Variants in CLVS1 observed in about 807,000 individuals in gnomAD.
CLVS1 encodes clavesin-1.
A neutral mutation model predicts 33.1 loss-of-function variants in CLVS1; 10 were observed. That is an observed-to-expected ratio of 0.30 (90% CI 0.19 to 0.51). The LOEUF is 0.51. Ranked by LOEUF, CLVS1 falls within the 20% of genes least tolerant of loss-of-function variation. The probability of loss-of-function intolerance (pLI) is 0.97; values close to 1 mark genes in which losing one functional copy is unlikely to be tolerated. For missense variants in CLVS1, 343 were observed against 433.4 expected, an observed-to-expected ratio of 0.79 and a Z score of 1.85; for synonymous variants, 163 against 166.1, an observed-to-expected ratio of 0.98 and a Z score of 0.14.
At chr8:61,112,999 C>G (rs73685726) in intron 1 of CLVS1, among the ~76,000 whole-genome samples, 1 of 152,176 alleles carries the variant, frequency 6.6e-6, no homozygotes, top group South Asian at 2.1e-4. Flanking sequence ...CCAACTATCA[C>G]TTCTGCATTG....
the CLVS1 span, among the ~76,000 whole-genome samples, chr8:61,013,136 C>G: frequency 5.3e-3 from 808 of 152,288 alleles, 8 homozygotes; most frequent in African/African-American, 0.018. Flanking sequence ...CAGACATTGC[C>G]AAGTGGGCTG....
At chr8:61,046,385 A>C in the CLVS1 span, among the ~76,000 whole-genome samples, 3 of 145,838 alleles carry the variant, frequency 2.1e-5, no homozygotes, top group African/African-American at 8.1e-5. Flanking sequence ...TGTTTTGGTT[A>C]CTGTAGCCTT....
the CLVS1 span, among the ~76,000 whole-genome samples, chr8:61,040,812 C>G: frequency 6.6e-6 from 1 of 152,178 alleles, no homozygotes. Context: ...TTTCTTTCAC[C>G]GTGCAAAAGC....
Position 61,232,023 on chromosome 8 carries a change from G to GTTTGTTTGTTTGTTTGTTTGTTTTT in CLVS1, c.-151-67651_-151-67650insGTTTGTTTGTTTGTTTGTTTTTTTT. On this transcript the variant is annotated intron_variant, in intron 2 of 2. Coordinates refer to the CLVS1 transcript ENST00000522621. ...AGAAGGAGCCCTGAGGAAAGTTGTG[G>GTTTGTTTGTTTGTTTGTTTGTTTTT]TTTTTTTTTTTTTTTTTTTTTTTTT... is the stretch of plus-strand genomic sequence containing the variant. Among the ~76,000 whole-genome samples the GTTTGTTTGTTTGTTTGTTTGTTTTT allele has an allele frequency of 5.7e-4, 36 of 62,652 alleles. 3 individuals are homozygous for GTTTGTTTGTTTGTTTGTTTGTTTTT. Among genetic ancestry groups the GTTTGTTTGTTTGTTTGTTTGTTTTT allele is most frequent in the African/African-American group, 1.6e-3 (33 of 21,118 alleles). The allele number at this position is 62,652 out of a possible 152,430, so 41.1% of individuals were successfully genotyped here.
chr8:61,426,651 G>A lies in CLVS1; in HGVS notation c.631-27490G>A, dbSNP rs114270820. ...GCTTTTGGTCTGCGGTCCTAGTACC[G>A]TCTACCACTGGATTTGCCTGGTGTT... is the stretch of plus-strand genomic sequence containing the variant. On this transcript the variant is annotated intron_variant, in intron 3 of 5. Coordinates refer to ENST00000325897, the MANE Select transcript of CLVS1 (RefSeq NM_173519.3). Among the ~76,000 whole-genome samples, 520 of 152,280 alleles carry A rather than the reference G, an allele frequency of 3.4e-3. 2 individuals carry two copies. Among genetic ancestry groups the A allele is most frequent in the African/African-American group, 0.012 (479 of 41,552 alleles).
chr8:61,056,022 G>A (rs1804467947), upstream of CLVS1, among the ~76,000 whole-genome samples: 1 of 152,226 alleles, frequency 6.6e-6, no homozygotes, highest in African/African-American at 2.4e-5. Context: ...GGGCTTTATG[G>A]TGCACACTTG....
intron 1 of CLVS1, among the ~76,000 whole-genome samples, chr8:61,068,219 G>A (rs6986556): frequency 0.21 from 21,401 of 103,792 alleles, 3,471 homozygotes; most frequent in African/African-American, 0.53. Flanking sequence ...ATATATATAT[G>A]TATGTATGTG....
At chr8:60,968,497 A>C in the CLVS1 span, among the ~76,000 whole-genome samples, 3 of 143,824 alleles carry the variant, frequency 2.1e-5, no homozygotes, top group Non-Finnish European at 4.6e-5. Context: ...GCCTGGCCAC[A>C]GAACAAGACT....
the CLVS1 span, among the ~76,000 whole-genome samples, chr8:61,030,379 A>G: frequency 6.6e-6 from 1 of 152,198 alleles, no homozygotes; most frequent in South Asian, 2.1e-4. Flanking sequence ...AGAATCGATG[A>G]AGTTATGAAC....
chr8:61,116,462 A>T (rs562670431), intron 1 of CLVS1, among the ~76,000 whole-genome samples: 1 of 152,146 alleles, frequency 6.6e-6, no homozygotes, highest in East Asian at 1.9e-4. Context: ...ATGTTCTGAA[A>T]GGTAATGCCT....
chr8:61,059,737 G>A lies in CLVS1; in HGVS notation c.-243+2507G>A, dbSNP rs186802976. Among the ~76,000 whole-genome samples, 48 of 148,708 alleles carry A rather than the reference G, an allele frequency of 3.2e-4. 1 individual carries two copies. Among genetic ancestry groups the A allele is most frequent in the Admixed American group, 3.1e-3 (47 of 14,990 alleles). ...GAGGCAGGAGAATCACTGGAACCTGGGAGGCGGAGGTTGCAGTGAGCCGAG... is the reference window on the plus strand; with the variant it reads ...GAGGCAGGAGAATCACTGGAACCTGAGAGGCGGAGGTTGCAGTGAGCCGAG... On this transcript the variant is annotated intron_variant, in intron 1 of 2. Transcript: ENST00000522621.
chr8:61,191,994 A>C (rs1807494395), intron 2 of CLVS1, among the ~76,000 whole-genome samples: 1 of 152,192 alleles, frequency 6.6e-6, no homozygotes, highest in Non-Finnish European at 1.5e-5. Flanking sequence ...TCAAGCTACC[A>C]ATAACTTTCT....
rs767022760 is a variant in CLVS1, at chr8:61,501,485, G to GACTT, written c.*1945_*1948dup. ...TGTAAGATGATGGCTCAAAAATGAC[G>GACTT]ACTTATAGTTTGAATTTATGTGTAT... On this transcript the variant is annotated 3_prime_UTR_variant, in exon 6 of 6. Transcript: ENST00000325897. The GACTT allele has an allele frequency of 6.6e-6, 1 of 151,958 alleles. No homozygotes were observed. Among genetic ancestry groups the GACTT allele is most frequent in the Non-Finnish European group, 1.5e-5 (1 of 67,982 alleles). 9.4% of individuals were successfully genotyped at this position (151,958 alleles called of 1,614,324 possible).
chr8:61,273,263 G>T (rs537445416), intron 2 of CLVS1, among the ~76,000 whole-genome samples: 1 of 152,290 alleles, frequency 6.6e-6, no homozygotes, highest in Admixed American at 6.5e-5. Flanking sequence ...TGAGGTGTCA[G>T]TCTGCCCCTG....
At chr8:61,263,046 G>T (rs149063243) in intron 2 of CLVS1, among the ~76,000 whole-genome samples, 2,117 of 152,246 alleles carry the variant, frequency 0.014, 16 homozygotes, top group Non-Finnish European at 0.016. Context: ...GAATCAGCTG[G>T]CATTCGAAAG....
At chr8:61,196,121 T>G (rs1266170910) in intron 2 of CLVS1, among the ~76,000 whole-genome samples, 1 of 152,206 alleles carries the variant, frequency 6.6e-6, no homozygotes, top group Non-Finnish European at 1.5e-5. Flanking sequence ...AGTCATGAAT[T>G]CATTTGTTCA....
chr8:61,299,917 C>G lies in CLVS1; in HGVS notation c.90C>G (p.Leu30=), dbSNP rs777024134. 1 of 1,613,634 alleles carries G rather than the reference C, an allele frequency of 6.2e-7. No individual in the cohort carries two copies. Among genetic ancestry groups the G allele is most frequent in the South Asian group, 1.1e-5 (1 of 91,074 alleles). ...AGATGACCCATTTACAGGCTGGACTCAGTCCAGAGACTATAGAGAAAGCTC... is the reference window on the plus strand; with the variant it reads ...AGATGACCCATTTACAGGCTGGACTGAGTCCAGAGACTATAGAGAAAGCTC... ...LAKMTHLQAG[L]SPETIEKARL... The change falls in exon 2 of 6, where the codon CTC becomes CTG. Residue 30 remains leucine, a synonymous_variant. Coordinates refer to ENST00000325897, the MANE Select transcript of CLVS1 (RefSeq NM_173519.3).
At chr8:61,056,406 G>A (rs1464827353), upstream of CLVS1, among the ~76,000 whole-genome samples, 1 of 152,108 alleles carries the variant, frequency 6.6e-6, no homozygotes, top group Non-Finnish European at 1.5e-5. Flanking sequence ...TCTCAGAAAA[G>A]CTACATGGAG....
intron 2 of CLVS1, among the ~76,000 whole-genome samples, chr8:61,136,644 A>T (rs1806195226): frequency 6.6e-6 from 1 of 152,206 alleles, no homozygotes; most frequent in Non-Finnish European, 1.5e-5. Context: ...GAGAACACAC[A>T]TGGACACATA....
Sources: allele counts gnomAD v4.1 joint callset (sites outside exome capture counted in the v4.1 genomes callset), GRCh38; gene constraint gnomAD v4.1.1; transcripts MANE v1.5; gene names NCBI Gene and HGNC (gene_info 2026-07-23, HGNC 2026-07-21).